Variants in TAF1B observed in about 807,000 individuals in gnomAD.
The protein encoded by TAF1B is TATA-box binding protein associated factor, RNA polymerase I subunit B.
TAF1B carries 61 observed loss-of-function variants against 83.9 expected under a neutral mutation model. That is an observed-to-expected ratio of 0.73 (90% CI 0.59 to 0.90). TAF1B has a LOEUF of 0.90. Ranked by LOEUF, TAF1B falls within the 40% of genes least tolerant of loss-of-function variation. TAF1B has a pLI of 0.00. For missense variants in TAF1B, 625 were observed against 677.0 expected (o/e 0.92, Z 0.85); for synonymous variants, 221 against 224.6 (o/e 0.98, Z 0.14).
At chr2:9,843,679 G>GGGGCGGAGGGCTGCA (rs1663097973) in intron 1 of TAF1B, 120 bp downstream of exon 1, 5 of 1,175,066 alleles carry the variant, frequency 4.3e-6, no homozygotes, top group Middle Eastern at 5.9e-4. Context: ...GGAGGAAGGC[G>GGGGCGGAGGGCTGCA]GGGCGGAGGG....
At chr2:9,870,305 C>T (rs1001771381) in intron 6 of TAF1B, among the ~76,000 whole-genome samples, 6 of 152,006 alleles carry the variant, frequency 3.9e-5, no homozygotes, top group Non-Finnish European at 7.4e-5. Flanking sequence ...GCCTGGGCAA[C>T]ATAGTGAGAC....
intron 13 of TAF1B, 59 bp downstream of exon 13, chr2:9,919,170 T>C (rs1473093398): frequency 7.1e-7 from 1 of 1,411,016 alleles, no homozygotes; most frequent in Non-Finnish European, 1.0e-6. Context: ...AAAAATTAAA[T>C]ATCTGGACTT....
chr2:9,917,678 C>T (rs1665723888), intron 12 of TAF1B, among the ~76,000 whole-genome samples: 1 of 152,228 alleles, frequency 6.6e-6, no homozygotes, highest in Admixed American at 6.5e-5. Flanking sequence ...AGTTCCTACT[C>T]TCTACCACTC....
intron 8 of TAF1B, among the ~76,000 whole-genome samples, chr2:9,884,271 G>C (rs1184928255): frequency 6.6e-6 from 1 of 152,228 alleles, no homozygotes. Context: ...CTCAAAGAGG[G>C]AGTCACAGCC....
chr2:9,913,978 T>C (rs1365279996), intron 12 of TAF1B, among the ~76,000 whole-genome samples: 1 of 152,228 alleles, frequency 6.6e-6, no homozygotes, highest in Non-Finnish European at 1.5e-5. Context: ...TAATTTTATA[T>C]CCTTTGAGAA....
intron 7 of TAF1B, among the ~76,000 whole-genome samples, chr2:9,877,692 C>T (rs1006554708): frequency 2.6e-5 from 4 of 152,102 alleles, no homozygotes; most frequent in East Asian, 1.9e-4. Context: ...CTACCCAGGA[C>T]GATCTATAAG....
intron 7 of TAF1B, among the ~76,000 whole-genome samples, 166 bp downstream of exon 7, chr2:9,876,184 G>C (rs1382260474): frequency 6.6e-6 from 1 of 152,216 alleles, no homozygotes; most frequent in Non-Finnish European, 1.5e-5. Context: ...CCCTGGGCTA[G>C]TAATTCATCT....
chr2:9,872,845 A>G (rs1361305625), intron 6 of TAF1B, among the ~76,000 whole-genome samples: 1 of 152,196 alleles, frequency 6.6e-6, no homozygotes, highest in Non-Finnish European at 1.5e-5. Context: ...AATCACCTGA[A>G]GAGCTTGTTA....
chr2:9,932,902 G>C (rs889964485), intron 14 of TAF1B, among the ~76,000 whole-genome samples: 6 of 152,222 alleles, frequency 3.9e-5, no homozygotes, highest in African/African-American at 1.4e-4. Flanking sequence ...CGCCTGCCAG[G>C]CTGCTGCCTC....
At position 9,849,423 on chromosome 2, in the gene TAF1B, AG is replaced by A. The variant is rs751144682; in HGVS notation, c.169del (p.Ala57ProfsTer35). On this transcript the variant is annotated frameshift_variant, in exon 3 of 15. Coordinates refer to ENST00000263663, the MANE Select transcript of TAF1B (RefSeq NM_005680.3). LOFTEE classifies it high-confidence loss of function. ...ATCTTATTCCTAATACCCAAATAAA[AG>A]CCCTCAACCGGGGGCTTAAAAAAAA... ...TDLIPNTQIK[A>X]LNRGLKKKNN... 3 of 1,596,476 alleles carry A rather than the reference AG, an allele frequency of 1.9e-6. No individual in the cohort carries two copies. The East Asian group carries it at 6.7e-5, about 36-fold the overall frequency.
intron 8 of TAF1B, among the ~76,000 whole-genome samples, chr2:9,890,196 A>G (rs894506180): frequency 6.6e-6 from 1 of 152,214 alleles, no homozygotes; most frequent in Non-Finnish European, 1.5e-5. Flanking sequence ...TCCAGGCAGT[A>G]AGCTGGGCCA....
rs557408710 is a variant in TAF1B at position 9,875,868 on chromosome 2, C to T, written c.557C>T (p.Thr186Met). Residue 186 changes from threonine (T) to methionine (M), a missense_variant, in exon 7 of 15, where the codon ACG (threonine) becomes ATG (methionine). By Grantham distance (81) the Thr-to-Met change is moderately conservative. Coordinates refer to ENST00000263663, the MANE Select transcript of TAF1B (RefSeq NM_005680.3). ...AAATCTCCATTTATCTCCTAAGAAA[C>T]GTCTGTCTGCTCTGGATCTCTGGAT... ...FPVSKASQSE[T>M]SVCSGSLDGV... is the part of the protein sequence containing the mutation. The T allele has an allele frequency of 1.4e-4, 224 of 1,578,608 alleles. 4 individuals carry two copies. The South Asian group carries it at 2.0e-3, about 14-fold the overall frequency.
At chr2:9,886,833 G>A (rs1374953247) in intron 8 of TAF1B, among the ~76,000 whole-genome samples, 2 of 152,176 alleles carry the variant, frequency 1.3e-5, no homozygotes, top group Non-Finnish European at 2.9e-5. Context: ...TTGGGAGGCC[G>A]AGGCAGGCGG....
chr2:9,844,762 A>T (rs930141465), intron 1 of TAF1B, among the ~76,000 whole-genome samples: 1 of 152,190 alleles, frequency 6.6e-6, no homozygotes, highest in Non-Finnish European at 1.5e-5. Flanking sequence ...CCTGGTACAC[A>T]CATAGTTGAT....
chr2:9,882,985 T>C lies in TAF1B; in HGVS notation c.807+180T>C, dbSNP rs147894126. ...TTTTTATTTTCCTTATGTGGATTCC[T>C]CTAATCCTTTAGGTTATCCTCAAAA... is the stretch of plus-strand genomic sequence containing the variant. On this transcript the variant is annotated intron_variant, in intron 8 of 14. Coordinates refer to ENST00000263663, the MANE Select transcript of TAF1B (RefSeq NM_005680.3). 3.4e-4 allele frequency among the ~76,000 whole-genome samples: 52 copies of C among 152,346 alleles called. No homozygotes were observed. The East Asian group carries it at 0.01, about 29-fold the overall frequency.
chr2:9,847,550 A>G (rs1663246815), intron 2 of TAF1B, among the ~76,000 whole-genome samples: 1 of 152,100 alleles, frequency 6.6e-6, no homozygotes, highest in African/African-American at 2.4e-5. Context: ...CTTCCTTGGC[A>G]TGTAACTGTC....
chr2:9,878,102 TG>T (rs897988408), intron 7 of TAF1B, among the ~76,000 whole-genome samples: 70 of 152,330 alleles, frequency 4.6e-4, no homozygotes, highest in Non-Finnish European at 6.6e-4. Flanking sequence ...CAGTATCACT[TG>T]GGAACTGGTT....
intron 12 of TAF1B, among the ~76,000 whole-genome samples, chr2:9,918,578 T>C (rs751670708): frequency 4.6e-5 from 7 of 152,204 alleles, no homozygotes; most frequent in Non-Finnish European, 1.0e-4. Flanking sequence ...AGGAATAGAA[T>C]AGATTTCCTG....
chr2:9,932,620 C>T lies in TAF1B; in HGVS notation c.1566-1163C>T, dbSNP rs182259887. On this transcript the variant is annotated intron_variant, in intron 14 of 14. Coordinates refer to ENST00000263663, the MANE Select transcript of TAF1B (RefSeq NM_005680.3). ...GGAGGTGTCTCCCAGTTAGGCTGCACGGGGGTCAGGGACCCACTTGAGGAG... is the reference window on the plus strand; with the variant it reads ...GGAGGTGTCTCCCAGTTAGGCTGCATGGGGGTCAGGGACCCACTTGAGGAG... 2.5e-3 allele frequency among the ~76,000 whole-genome samples: 386 copies of T among 152,264 alleles called. 3 individuals are homozygous for T. The highest frequency in any genetic ancestry group is 9.0e-3 in the African/African-American group (374 of 41,570).
Sources: gnomAD v4.1 joint callset for allele counts (sites outside exome capture counted in the v4.1 genomes callset) on GRCh38, gnomAD v4.1.1 for gene constraint, MANE v1.5 for transcripts, NCBI Gene and HGNC (gene_info 2026-07-23, HGNC 2026-07-21) for gene names.